Variants in PCGF2 observed in about 807,000 individuals in gnomAD.
PCGF2 encodes the protein polycomb group ring finger 2.
Under a neutral mutation model 36.1 loss-of-function variants are expected in PCGF2, and 8 were observed. The ratio of observed to expected loss-of-function variants is 0.22; its 90% CI spans 0.13 to 0.40. PCGF2 has a LOEUF of 0.40. Ranked by LOEUF, PCGF2 falls within the 10% of genes least tolerant of loss-of-function variation. The pLI is 1.00. For missense variants in PCGF2, 436 were observed against 475.9 expected, an observed-to-expected ratio of 0.92 and a Z score of 0.78; for synonymous variants, 198 against 191.2, an observed-to-expected ratio of 1.04 and a Z score of -0.29.
At chr17:38,748,780 G>A (rs1372481716), upstream of PCGF2, among the ~76,000 whole-genome samples, 1 of 152,214 alleles carries the variant, frequency 6.6e-6, no homozygotes, top group East Asian at 1.9e-4. Context: ...CAAAGGGCGC[G>A]GGGCTCCGGC....
In PCGF2 at chr17:38,734,692, AAC is replaced by A. The variant is rs1264687580; in HGVS notation, c.*529_*530del. The A allele has an allele frequency of 6.5e-6, 1 of 152,840 alleles. No homozygotes were observed. The highest frequency in any genetic ancestry group is 2.4e-5 in the African/African-American group (1 of 41,450). 9.5% of individuals were successfully genotyped at this position (152,840 alleles called of 1,614,324 possible). A position where few individuals can be genotyped will look rare whatever the true frequency, so the allele number is the denominator to read the frequency against. On this transcript the variant is annotated 3_prime_UTR_variant, in exon 11 of 11. Transcript: ENST00000620225. The stretch of plus-strand genomic sequence containing the variant: ...TCTTAGCAATTTCTGGACATTCAAC[AAC>A]GTGGGGGGCGGCCACTGGTCAGAGG...
upstream of PCGF2, chr17:38,748,505 G>C (rs1206701220): frequency 1.3e-5 from 2 of 152,242 alleles, no homozygotes; most frequent in Admixed American, 6.5e-5. Context: ...GACGGGAAGA[G>C]GAGGGGGAGG....
Position 38,739,977 on chromosome 17 carries a change from A to T in PCGF2, c.113-295T>A, listed in dbSNP as rs1318632196. 1.3e-5 allele frequency among the ~76,000 whole-genome samples: 2 copies of T among 152,058 alleles called. No homozygotes were observed. Among genetic ancestry groups the T allele is most frequent in the Non-Finnish European group, 2.9e-5 (2 of 67,994 alleles). On this transcript the variant is annotated intron_variant, in intron 3 of 10. Coordinates refer to ENST00000620225, the MANE Select transcript of PCGF2 (RefSeq NM_007144.3). The surrounding 1 kb of genome is among the most constrained non-coding windows in gnomAD (Gnocchi z 4.0). ...AGCCAGCGTGTTCAAGATGCCTCTGAGTCCCACCCCCCTGCTGCCAAGCCC... is the reference window on the plus strand; with the variant it reads ...AGCCAGCGTGTTCAAGATGCCTCTGTGTCCCACCCCCCTGCTGCCAAGCCC...
Position 38,738,594 on chromosome 17 carries a change from C to T in PCGF2, c.427G>A (p.Asp143Asn). 1 of 1,569,946 alleles carries T rather than the reference C, an allele frequency of 6.4e-7. No homozygotes were observed. Among genetic ancestry groups the T allele is most frequent in the Non-Finnish European group, 8.6e-7 (1 of 1,159,416 alleles). Residue 143 changes from aspartate (D) to asparagine (N), a missense_variant and splice_region_variant, in exon 8 of 11, where the codon GAC becomes AAC. Around this residue, in one of 3 missense-constraint regions of PCGF2, gnomAD observed 189 missense variants for 219.3 expected, o/e 0.86. Transcript: ENST00000620225. ...AGGGGGCCCTTCTTCTCGTCCCGGT[C>T]CCTGGGGACGGAGAAAGAATGAAGC... The part of the protein sequence containing the change: ...LSIEFYEGAR[D>N]RDEKKGPLEN...
rs1329545742 is a variant in PCGF2, at chr17:38,733,981, A to C, written c.*1242T>G. ...GGTACAGTCACAGGACCTCAGACAC[A>C]GGACAAGGTGCAAACACAGACAAGC... is the stretch of plus-strand genomic sequence containing the variant. On this transcript the variant is annotated 3_prime_UTR_variant, in exon 11 of 11. Coordinates refer to ENST00000620225, the MANE Select transcript of PCGF2 (RefSeq NM_007144.3). 2 of 153,576 alleles carry C rather than the reference A, an allele frequency of 1.3e-5. No individual in the cohort carries two copies. The highest frequency in any genetic ancestry group is 3.8e-4 in the East Asian group (2 of 5,214). The allele number at this position is 153,576 out of a possible 1,614,324, so 9.5% of individuals were successfully genotyped here.
chr17:38,737,183 C>T (rs1297024380), intron 9 of PCGF2, among the ~76,000 whole-genome samples: 1 of 152,128 alleles, frequency 6.6e-6, no homozygotes, highest in Non-Finnish European at 1.5e-5. Flanking sequence ...CAATGCCTGG[C>T]TAGGTGCGGT....
intron 2 of PCGF2, among the ~76,000 whole-genome samples, chr17:38,740,651 T>G (rs1274606762): frequency 6.6e-6 from 1 of 151,908 alleles, no homozygotes; most frequent in Non-Finnish European, 1.5e-5. Flanking sequence ...CCCAGCTGCT[T>G]GGGAGGCTGA....
intron 2 of PCGF2, among the ~76,000 whole-genome samples, chr17:38,742,058 C>G (rs1328818729): frequency 1.3e-5 from 2 of 152,244 alleles, no homozygotes; most frequent in Non-Finnish European, 2.9e-5. Context: ...AGAAAGTGCT[C>G]TGTCCCCAGA....
intron 6 of PCGF2, 35 bp from the exon 7 acceptor site, chr17:38,738,896 A>C: frequency 6.3e-7 from 1 of 1,585,752 alleles, no homozygotes; most frequent in Non-Finnish European, 8.7e-7. Flanking sequence ...TTGGCGGAGG[A>C]TGTAGGAAGG....
At chr17:38,748,787 C>T (rs1744449620), upstream of PCGF2, among the ~76,000 whole-genome samples, 1 of 152,164 alleles carries the variant, frequency 6.6e-6, no homozygotes, top group African/African-American at 2.4e-5. Flanking sequence ...CGCGGGGCTC[C>T]GGCGGGGGAC....
Position 38,735,210 on chromosome 17 carries a change from A to G in PCGF2, c.*13T>C, listed in dbSNP as rs953417116. ...GAGAGGCTTGGCTGGAAGAAGGGAGAGGGTCCCTGGCCTCAAGTTAAGGGG... is the reference window on the plus strand; with the variant it reads ...GAGAGGCTTGGCTGGAAGAAGGGAGGGGGTCCCTGGCCTCAAGTTAAGGGG... On this transcript the variant is annotated 3_prime_UTR_variant, in exon 11 of 11. Coordinates refer to ENST00000620225, the MANE Select transcript of PCGF2 (RefSeq NM_007144.3). The G allele has an allele frequency of 5.8e-6, 8 of 1,389,938 alleles. No individual in the cohort carries two copies. In the African/African-American group the frequency reaches 7.3e-5, roughly 13 times the overall value. 86.1% of individuals were successfully genotyped at this position (1,389,938 alleles called of 1,614,324 possible).
chr17:38,744,681 T>C (rs902862844), intron 2 of PCGF2, among the ~76,000 whole-genome samples: 1 of 152,150 alleles, frequency 6.6e-6, no homozygotes, highest in African/African-American at 2.4e-5. Context: ...AACCAGTGTC[T>C]TTCTGGAAGC....
Position 38,735,639 on chromosome 17 carries a change from A to G in PCGF2, c.658-39T>C, listed in dbSNP as rs762852499. On this transcript the variant is annotated intron_variant, in intron 10 of 10. Transcript: ENST00000620225. Reference sequence around the variant, plus strand: ...GGGGAGGAGAGACACAGGGAAGGGGAAGGTATCAGGAGACAGAGTCCAACT... The same window carrying G: ...GGGGAGGAGAGACACAGGGAAGGGGGAGGTATCAGGAGACAGAGTCCAACT... The G allele has an allele frequency of 8.6e-6, 13 of 1,509,530 alleles. No individual in the cohort carries two copies. The South Asian group carries it at 1.6e-4, about 18-fold the overall frequency. The allele number at this position is 1,509,530 out of a possible 1,614,324, so 93.5% of individuals were successfully genotyped here.
Position 38,738,528 on chromosome 17 carries a change from C to T in PCGF2, c.480+13G>A, listed in dbSNP as rs571482123. 18 of 1,607,894 alleles carry T rather than the reference C, an allele frequency of 1.1e-5. No homozygotes were observed. In the South Asian group the frequency reaches 1.9e-4, roughly 17 times the overall value. Reference sequence around the variant, plus strand: ...AGCCCACATTCCAGTCCTGGGCAGGCCCCAGCACTCACTTTCTCTTTGTCC... The same window carrying T: ...AGCCCACATTCCAGTCCTGGGCAGGTCCCAGCACTCACTTTCTCTTTGTCC... On this transcript the variant is annotated intron_variant, in intron 8 of 10. Coordinates refer to ENST00000620225, the MANE Select transcript of PCGF2 (RefSeq NM_007144.3).
chr17:38,746,621 G>GCTCTCTCCCT (rs1907551242), intron 2 of PCGF2: 1 of 152,358 alleles, frequency 6.6e-6, no homozygotes, highest in Admixed American at 6.5e-5. Flanking sequence ...CTTCCTGTTC[G>GCTCTCTCCCT]GGCTCTCTCC....
chr17:38,742,475 G>A (rs1211556495), intron 2 of PCGF2, among the ~76,000 whole-genome samples: 1 of 152,224 alleles, frequency 6.6e-6, no homozygotes, highest in Non-Finnish European at 1.5e-5. Flanking sequence ...AAGGCCACAT[G>A]TGGGAGAGAC....
Position 38,736,070 on chromosome 17 carries a change from C to A in PCGF2, c.657+20G>T. On this transcript the variant is annotated intron_variant, in intron 10 of 10. Transcript: ENST00000620225. ...ACCCTGTGGGAGTCTGCTCCCTGCC[C>A]GCCCCACTCGCTGGCTCACCCGCCG... 1 of 1,536,714 alleles carries A rather than the reference C, an allele frequency of 6.5e-7. No individual in the cohort carries two copies. The highest frequency in any genetic ancestry group is 2.4e-5 in the East Asian group (1 of 42,032).
rs759437365 is a variant in PCGF2, at chr17:38,739,159, G to T, written c.265+39C>A. The T allele has an allele frequency of 6.2e-7, 1 of 1,614,102 alleles. No individual in the cohort carries two copies. The highest frequency in any genetic ancestry group is 1.1e-5 in the South Asian group (1 of 91,082). On this transcript the variant is annotated intron_variant, in intron 5 of 10. Coordinates refer to ENST00000620225, the MANE Select transcript of PCGF2 (RefSeq NM_007144.3). This position sits in a 1 kb window ranked among gnomAD's most constrained non-coding sequence, Gnocchi z 4.0. ...AGGATGAGGACAGGGCCATGGGTTG[G>T]GAAATGGGGTCAGTGGAGGAGGAAT...
chr17:38,734,967 C>T lies in PCGF2; in HGVS notation c.*256G>A. 3.1e-6 allele frequency: 1 copy of T among 326,920 alleles called. No individual in the cohort carries two copies. The highest frequency in any genetic ancestry group is 5.5e-6 in the Non-Finnish European group (1 of 183,056). The allele number at this position is 326,920 out of a possible 1,614,324, so 20.3% of individuals were successfully genotyped here. A position where few individuals can be genotyped will look rare whatever the true frequency, so the allele number is the denominator to read the frequency against. On this transcript the variant is annotated 3_prime_UTR_variant, in exon 11 of 11. Transcript: ENST00000620225. ...CAAGACCCCCCCCAAAAAAAATGAA[C>T]ACCATTTTCCACACATACACACACA...
Sources: gnomAD v4.1 joint callset for allele counts (sites outside exome capture counted in the v4.1 genomes callset) on GRCh38, gnomAD v4.1.1 for gene constraint, gnomAD v4.1.1 regional missense constraint, Gnocchi (gnomAD v3.1) non-coding constraint, MANE v1.5 for transcripts, NCBI Gene and HGNC (gene_info 2026-07-23, HGNC 2026-07-21) for gene names.